WDFY2: variants seen among roughly 807,000 people sequenced by gnomAD.
WDFY2 encodes the protein WD repeat and FYVE domain-containing protein 2.
In WDFY2, 36 loss-of-function variants were observed where a neutral mutation model predicts 56.4. The ratio of observed to expected loss-of-function variants is 0.64; its 90% CI spans 0.49 to 0.84. The LOEUF is 0.84. Among genes scored for constraint, WDFY2 ranks in the 40% least tolerant of loss-of-function variants. The pLI is 0.00. For synonymous variants in WDFY2, 176 were observed against 183.7 expected, an observed-to-expected ratio of 0.96 and a Z score of 0.34; for missense variants, 444 against 512.2, an observed-to-expected ratio of 0.87 and a Z score of 1.29.
intron 10 of WDFY2, 135 bp downstream of exon 10, chr13:51,756,597 A>G (rs908247768): frequency 1.2e-4 from 160 of 1,386,988 alleles, no homozygotes; most frequent in Admixed American, 1.9e-4. Flanking sequence ...GCAAGCAGTA[A>G]AAGCTCTCCT....
At chr13:51,647,760 T>G (rs1329682928) in intron 1 of WDFY2, among the ~76,000 whole-genome samples, 1 of 136,358 alleles carries the variant, frequency 7.3e-6, no homozygotes, top group Non-Finnish European at 1.5e-5. Flanking sequence ...ACCATGTCTC[T>G]CTCTTAAAAA....
chr13:51,653,021 C>T (rs942455743), intron 1 of WDFY2, among the ~76,000 whole-genome samples: 1 of 152,168 alleles, frequency 6.6e-6, no homozygotes, highest in Non-Finnish European at 1.5e-5. Flanking sequence ...GTTCCATTCT[C>T]CCCGTCACTT....
At chr13:51,750,738 A>G (rs1341428850) in intron 7 of WDFY2, among the ~76,000 whole-genome samples, 1 of 152,084 alleles carries the variant, frequency 6.6e-6, no homozygotes, top group African/African-American at 2.4e-5. Context: ...GAGAGTAAAA[A>G]CTAGAGAAAT....
At chr13:51,633,024 AG>A (rs1452101419) in intron 1 of WDFY2, among the ~76,000 whole-genome samples, 1 of 152,222 alleles carries the variant, frequency 6.6e-6, no homozygotes, top group Non-Finnish European at 1.5e-5. Context: ...TGTGTGGGGC[AG>A]GGTTGAAGCT....
At chr13:51,593,287 T>C (rs1311152032) in intron 1 of WDFY2, among the ~76,000 whole-genome samples, 3 of 152,236 alleles carry the variant, frequency 2.0e-5, no homozygotes, top group Non-Finnish European at 4.4e-5. Context: ...CTCAGGGTAC[T>C]GGTGATCTAG....
chr13:51,754,212 A>C (rs1953310596), intron 8 of WDFY2, among the ~76,000 whole-genome samples: 2 of 151,838 alleles, frequency 1.3e-5, no homozygotes, highest in South Asian at 2.1e-4. Context: ...TTGCTTCTGC[A>C]TAGGACCCCA....
intron 3 of WDFY2, among the ~76,000 whole-genome samples, chr13:51,685,579 A>C (rs1956047710): frequency 6.6e-6 from 1 of 152,182 alleles, no homozygotes; most frequent in South Asian, 2.1e-4. Context: ...AGGAAGGAAA[A>C]GTATGTTTTC....
At chr13:51,746,521 C>T (rs752763677) in intron 7 of WDFY2, among the ~76,000 whole-genome samples, 1 of 152,236 alleles carries the variant, frequency 6.6e-6, no homozygotes, top group Non-Finnish European at 1.5e-5. Flanking sequence ...GAGCATCATT[C>T]TCACACATGA....
intron 5 of WDFY2, among the ~76,000 whole-genome samples, chr13:51,722,783 CA>C (rs1382614151): frequency 1.3e-5 from 2 of 152,192 alleles, no homozygotes; most frequent in Non-Finnish European, 2.9e-5. Flanking sequence ...GGTTATTTCC[CA>C]AAGACCCCAT....
chr13:51,717,043 A>G (rs1254441842), intron 4 of WDFY2, among the ~76,000 whole-genome samples: 3 of 152,166 alleles, frequency 2.0e-5, no homozygotes, highest in Admixed American at 6.5e-5. Flanking sequence ...AGAAATATCT[A>G]TGGAAACCCT....
chr13:51,584,877 C>G, intron 1 of WDFY2, 53 bp downstream of exon 1: 1 of 1,603,066 alleles, frequency 6.2e-7, no homozygotes, highest in Middle Eastern at 1.7e-4. Flanking sequence ...GCCGACGGCC[C>G]TCGAGCCCGC....
At chr13:51,669,982 G>T (rs1955778360) in intron 2 of WDFY2, among the ~76,000 whole-genome samples, 1 of 152,136 alleles carries the variant, frequency 6.6e-6, no homozygotes, top group South Asian at 2.1e-4. Flanking sequence ...AATTTTATGG[G>T]TCTGGTCAGG....
chr13:51,710,259 A>G (rs950720002), intron 4 of WDFY2, among the ~76,000 whole-genome samples: 4 of 152,206 alleles, frequency 2.6e-5, no homozygotes, highest in Non-Finnish European at 4.4e-5. Context: ...AAAAACTCTC[A>G]ATAAACTAGG....
At chr13:51,759,066 A>G (rs1477326933) in intron 11 of WDFY2, among the ~76,000 whole-genome samples, 2 of 152,194 alleles carry the variant, frequency 1.3e-5, no homozygotes, top group South Asian at 2.1e-4. Flanking sequence ...CCTGTAGTCC[A>G]GCTACTTGGG....
chr13:51,623,840 GT>G lies in WDFY2; in HGVS notation c.138-36742del, dbSNP rs557684744. The stretch of plus-strand genomic sequence containing the variant: ...TTCCACAACAGGCAGTTTTTACAGA[GT>G]TTTTTTTTTTTTTAAAGGAATAGGC... On this transcript the variant is annotated intron_variant, in intron 1 of 11. Coordinates refer to ENST00000298125, the MANE Select transcript of WDFY2 (RefSeq NM_052950.4). 4.4e-3 allele frequency among the ~76,000 whole-genome samples: 634 copies of G among 143,066 alleles called. 1 individual carries two copies. Among genetic ancestry groups the G allele is most frequent in the African/African-American group, 0.013 (499 of 39,136 alleles). 93.9% of individuals were successfully genotyped at this position (143,066 alleles called of 152,430 possible). A position where few individuals can be genotyped will look rare whatever the true frequency, so the allele number is the denominator to read the frequency against.
intron 5 of WDFY2, 54 bp downstream of exon 5, chr13:51,719,402 T>C (rs1438097384): frequency 6.6e-7 from 1 of 1,507,710 alleles, no homozygotes; most frequent in Non-Finnish European, 8.9e-7. Flanking sequence ...TTGTTCTCTT[T>C]GATTCATGAA....
At chr13:51,705,877 A>T (rs1952072597) in intron 4 of WDFY2, among the ~76,000 whole-genome samples, 1 of 152,106 alleles carries the variant, frequency 6.6e-6, no homozygotes, top group African/African-American at 2.4e-5. Context: ...ATCTCATTTT[A>T]TTTAGCCCAT....
At chr13:51,713,915 C>G (rs897184275) in intron 4 of WDFY2, among the ~76,000 whole-genome samples, 1 of 147,960 alleles carries the variant, frequency 6.8e-6, no homozygotes, top group African/African-American at 2.5e-5. Context: ...TTATGGTAAT[C>G]AAATTCATAG....
intron 1 of WDFY2, among the ~76,000 whole-genome samples, chr13:51,657,086 A>AT (rs972556130): frequency 8.6e-5 from 13 of 151,020 alleles, no homozygotes; most frequent in African/African-American, 2.7e-4. Context: ...TCTACGTTTG[A>AT]TTTTTTCTCA....
Sources: gnomAD v4.1 joint callset for allele counts (sites outside exome capture counted in the v4.1 genomes callset) on GRCh38, gnomAD v4.1.1 for gene constraint, MANE v1.5 for transcripts, NCBI Gene and HGNC (gene_info 2026-07-23, HGNC 2026-07-21) for gene names.